The following PGAP2 variants were observed in gnomAD, a reference collection of about 807,000 sequenced individuals.
PGAP2 encodes the protein acyltransferase PGAP2.
Under a neutral mutation model 33.2 loss-of-function variants are expected in PGAP2, and 21 were observed. The ratio of observed to expected loss-of-function variants is 0.63; its 90% confidence interval spans 0.45 to 0.91. The LOEUF is 0.91. Among genes scored for constraint, PGAP2 ranks in the 40% least tolerant of loss-of-function variants. PGAP2 has a pLI of 0.00. For missense variants in PGAP2, 345 were observed against 424.0 expected (o/e 0.81, Z 1.64); for synonymous variants, 161 against 172.9 (o/e 0.93, Z 0.54).
Position 3,826,087 on chromosome 11 carries a change from G to A in PGAP2, c.*629G>A, listed in dbSNP as rs1446613465. 1 of 152,648 alleles carries A rather than the reference G, an allele frequency of 6.6e-6. No homozygotes were observed. 9.5% of individuals were successfully genotyped at this position (152,648 alleles called of 1,614,324 possible). ...GACTCTACCAGTCAGTGGTTCTGAT[G>A]TCATCGGGTGGAGGTGGTGTTCTAT... On this transcript the variant is annotated 3_prime_UTR_variant, in exon 7 of 7. Coordinates refer to ENST00000278243, the MANE Select transcript of PGAP2 (RefSeq NM_014489.4).
chr11:3,823,024 CTTTTTTT>C lies in PGAP2; in HGVS notation c.349-835_349-829del, dbSNP rs746736798. ...GAGCACCCACTTTCTTTTTTCTTTT[CTTTTTTT>C]TTTTTTTTTTTTTTTTTTTTTTTGA... is the stretch of plus-strand genomic sequence containing the variant. On this transcript the variant is annotated intron_variant, in intron 3 of 6. Transcript: ENST00000278243. 1,549 of 307,250 alleles carry C rather than the reference CTTTTTTT, an allele frequency of 5.0e-3. 4 individuals carry two copies. Among genetic ancestry groups the C allele is most frequent in the Non-Finnish European group, 5.9e-3 (1,128 of 189,988 alleles). 19.0% of individuals were successfully genotyped at this position (307,250 alleles called of 1,614,324 possible).
chr11:3,818,339 A>C (rs1193971706), intron 3 of PGAP2, among the ~76,000 whole-genome samples: 4 of 151,928 alleles, frequency 2.6e-5, no homozygotes, highest in South Asian at 2.1e-4. Flanking sequence ...AAAAAAAAAA[A>C]AAAACAATAA....
chr11:3,817,979 G>A (rs929541933), intron 3 of PGAP2: 1 of 398,646 alleles, frequency 2.5e-6, no homozygotes, highest in Non-Finnish European at 5.0e-6. Context: ...CTGGGAGGTG[G>A]ACATTTCAGT....
At chr11:3,797,731 G>C (rs903149310), upstream of PGAP2, 2 of 1,260,562 alleles carry the variant, frequency 1.6e-6, no homozygotes, top group African/African-American at 1.5e-5. Context: ...GAAGGAGTTC[G>C]GGGAGGCACA....
chr11:3,824,978 T>C (rs1251260630), intron 5 of PGAP2, 42 bp from the exon 6 acceptor site: 4 of 1,613,088 alleles, frequency 2.5e-6, no homozygotes, highest in South Asian at 2.2e-5. Flanking sequence ...CACGCTCTCA[T>C]ACCCAGCAAG....
At chr11:3,818,981 A>G (rs747366792) in intron 3 of PGAP2, among the ~76,000 whole-genome samples, 2 of 152,172 alleles carry the variant, frequency 1.3e-5, no homozygotes, top group Non-Finnish European at 2.9e-5. Context: ...TATTATCCAG[A>G]GGGCAATTTT....
intron 5 of PGAP2, 122 bp downstream of exon 5, chr11:3,824,498 G>T (rs898937298): frequency 6.1e-6 from 9 of 1,468,394 alleles, no homozygotes; most frequent in Non-Finnish European, 6.6e-6. Context: ...TGGCAGAGGG[G>T]TGCTGGGGTT....
chr11:3,804,804 C>A (rs990595792), upstream of PGAP2, among the ~76,000 whole-genome samples: 1 of 152,118 alleles, frequency 6.6e-6, no homozygotes, highest in African/African-American at 2.4e-5. Flanking sequence ...TGGGTTCAAG[C>A]AATTCTCCTG....
At chr11:3,810,756 G>A (rs1482788333) in intron 1 of PGAP2, among the ~76,000 whole-genome samples, 1 of 152,212 alleles carries the variant, frequency 6.6e-6, no homozygotes, top group East Asian at 1.9e-4. Context: ...AGCCTGGGAA[G>A]GGACTGAAGG....
At chr11:3,804,190 C>G (rs772602359), upstream of PGAP2, among the ~76,000 whole-genome samples, 1 of 152,000 alleles carries the variant, frequency 6.6e-6, no homozygotes, top group African/African-American at 2.4e-5. Flanking sequence ...TCTTAACTTA[C>G]CAAAGTGTCA....
At chr11:3,814,364 C>G (rs997081353) in intron 2 of PGAP2, among the ~76,000 whole-genome samples, 5 of 152,190 alleles carry the variant, frequency 3.3e-5, no homozygotes, top group Non-Finnish European at 2.9e-5. Flanking sequence ...TCAAGCAATT[C>G]TCCTGCCTCA....
intron 3 of PGAP2, among the ~76,000 whole-genome samples, chr11:3,821,205 G>A (rs1165232171): frequency 2.0e-5 from 3 of 152,194 alleles, no homozygotes; most frequent in East Asian, 3.9e-4. Context: ...CTTGCCCCAG[G>A]CCTACCTGTG....
At chr11:3,822,717 A>C (rs2089096103) in intron 3 of PGAP2, among the ~76,000 whole-genome samples, 1 of 152,200 alleles carries the variant, frequency 6.6e-6, no homozygotes, top group Admixed American at 6.5e-5. Context: ...CAATTCCCCC[A>C]GTGAGTTGTA....
chr11:3,823,202 A>ATT (rs933554078), intron 3 of PGAP2, among the ~76,000 whole-genome samples: 1 of 145,140 alleles, frequency 6.9e-6, no homozygotes, highest in African/African-American at 2.5e-5. Flanking sequence ...CGCCTGGCTA[A>ATT]TTTTTTTTTT....
chr11:3,799,799 C>T (rs1408309776), intron 1 of PGAP2, among the ~76,000 whole-genome samples: 10 of 152,062 alleles, frequency 6.6e-5, no homozygotes, highest in Non-Finnish European at 1.0e-4. Flanking sequence ...TGAGTCCCCA[C>T]CTATACAAAA....
intron 1 of PGAP2, among the ~76,000 whole-genome samples, chr11:3,809,840 G>T (rs1451645320): frequency 6.6e-6 from 1 of 152,188 alleles, no homozygotes; most frequent in Non-Finnish European, 1.5e-5. Flanking sequence ...CTGGCAGCTG[G>T]GGGAAAATGG....
rs1302174555 is a variant in PGAP2, at chr11:3,811,980, C to T, written c.165+556C>T. ...CTGTATATAATGGGTTTGAGTGGGTCGTGTGTGAGAGAGACTATATCTGTG... is the reference window on the plus strand; with the variant it reads ...CTGTATATAATGGGTTTGAGTGGGTTGTGTGTGAGAGAGACTATATCTGTG... On this transcript the variant is annotated intron_variant, in intron 2 of 6. Coordinates refer to ENST00000278243, the MANE Select transcript of PGAP2 (RefSeq NM_014489.4). The surrounding 1 kb of genome is among the most constrained non-coding windows in gnomAD (Gnocchi z 4.6). Among the ~76,000 whole-genome samples, 2 of 151,838 alleles carry T rather than the reference C, an allele frequency of 1.3e-5. No individual in the cohort carries two copies. The highest frequency in any genetic ancestry group is 2.1e-4 in the South Asian group (1 of 4,816).
chr11:3,799,358 T>G (rs1374506712), intron 1 of PGAP2, among the ~76,000 whole-genome samples: 3 of 151,690 alleles, frequency 2.0e-5, no homozygotes, highest in Non-Finnish European at 4.4e-5. Flanking sequence ...GCCAACATGA[T>G]GAAACCCTGT....
At chr11:3,824,572 T>G in intron 5 of PGAP2, 196 bp downstream of exon 5, 1 of 817,188 alleles carries the variant, frequency 1.2e-6, no homozygotes, top group South Asian at 1.7e-5. Flanking sequence ...AGCACTGTGT[T>G]TGGGTAGTGT....
Sources: gnomAD v4.1 joint callset for allele counts (sites outside exome capture counted in the v4.1 genomes callset) on GRCh38, gnomAD v4.1.1 for gene constraint, Gnocchi (gnomAD v3.1) non-coding constraint, MANE v1.5 for transcripts, NCBI Gene and HGNC (gene_info 2026-07-23, HGNC 2026-07-21) for gene names.